The following DMD variants were observed in gnomAD, a reference collection of about 807,000 sequenced individuals.
DMD encodes the protein dystrophin.
DMD carries 63 observed loss-of-function variants against 330.1 expected under a neutral mutation model. That is an observed-to-expected ratio of 0.19 (90% CI 0.16 to 0.24). The LOEUF (loss-of-function observed/expected upper bound fraction) is 0.24. Ranked by LOEUF, DMD falls within the 10% of genes least tolerant of loss-of-function variation. The pLI is 1.00. For missense variants in DMD, 3,344 were observed against 2,684.1 expected (o/e 1.25, Z -5.43); for synonymous variants, 1,223 against 959.8 (o/e 1.27, Z -5.07).
At chrX:32,655,735 G>A (rs1227258626) in intron 9 of DMD, among the ~76,000 whole-genome samples, 1 of 111,370 alleles carries the variant, frequency 9.0e-6, no homozygotes, top group Non-Finnish European at 1.9e-5. Context: ...TGTTGTCAGT[G>A]GGGTGTTAAA....
In DMD at chrX:31,658,085, G is replaced by A. The variant is rs1306571967; in HGVS notation, c.7932C>T (p.Ala2644=). Residue 2644 remains alanine (A), a synonymous_variant, in exon 54 of 79, where the codon GCC becomes GCT. Transcript: ENST00000357033. ...CAGAATAATCCCGGAGAAGTTTCAG[G>A]GCCAAGTCATTTGCCACATCTACAT... ...QTNVDVANDL[A]LKLLRDYSAD... 2 of 1,209,884 alleles carry A rather than the reference G, an allele frequency of 1.7e-6. No individual in the cohort carries two copies. Among genetic ancestry groups the A allele is most frequent in the African/African-American group, 1.7e-5 (1 of 57,145 alleles).
chrX:32,667,509 A>C (rs771459914), intron 9 of DMD, among the ~76,000 whole-genome samples: 4 of 111,820 alleles, frequency 3.6e-5, no homozygotes, highest in Non-Finnish European at 7.5e-5. Flanking sequence ...ATTATATTTA[A>C]CCATCATATT....
chrX:31,356,474 A>G (rs1226416490), intron 60 of DMD, among the ~76,000 whole-genome samples: 4 of 111,315 alleles, frequency 3.6e-5, no homozygotes, highest in African/African-American at 1.3e-4. Flanking sequence ...GGGGCTGTGC[A>G]TGCTTGCAAG....
At chrX:33,053,072 C>T (rs1410709988) in intron 1 of DMD, among the ~76,000 whole-genome samples, 1 of 111,710 alleles carries the variant, frequency 9.0e-6, no homozygotes, top group African/African-American at 3.3e-5. Context: ...AATAAAAGAA[C>T]ATCTACTTGT....
chrX:31,389,390 T>C (rs745872787), intron 60 of DMD, among the ~76,000 whole-genome samples: 1 of 112,453 alleles, frequency 8.9e-6, no homozygotes, highest in African/African-American at 3.2e-5. Context: ...AATCAGCCTA[T>C]GGCACTGTAT....
At chrX:32,641,918 T>C (rs942819610) in intron 11 of DMD, among the ~76,000 whole-genome samples, 2 of 111,537 alleles carry the variant, frequency 1.8e-5, no homozygotes, top group Non-Finnish European at 3.8e-5. Context: ...TTGAAGCTAA[T>C]CATTGGAGAT....
intron 2 of DMD, among the ~76,000 whole-genome samples, chrX:32,977,907 A>G (rs1265727530): frequency 7.2e-5 from 8 of 111,712 alleles, no homozygotes; most frequent in Non-Finnish European, 1.5e-4. Flanking sequence ...ACTAAAGAAA[A>G]AATACATTTT....
chrX:33,264,005 CTT>C (rs1462553591), intron 1 of DMD, among the ~76,000 whole-genome samples: 1 of 110,940 alleles, frequency 9.0e-6, no homozygotes, highest in Non-Finnish European at 1.9e-5. Context: ...TACTGGAAGA[CTT>C]TGGATAGTCT....
intron 1 of DMD, among the ~76,000 whole-genome samples, chrX:33,137,473 C>T (rs1247157031): frequency 4.4e-5 from 5 of 112,369 alleles, no homozygotes; most frequent in Non-Finnish European, 9.4e-5. Context: ...TTCAGCAGCA[C>T]TGCAACCATC....
At chrX:32,488,942 C>G (rs1412847382) in intron 20 of DMD, among the ~76,000 whole-genome samples, 1 of 111,012 alleles carries the variant, frequency 9.0e-6, no homozygotes, top group East Asian at 2.8e-4. Context: ...TGCCTGGAAT[C>G]TTGCTTAACT....
At chrX:33,070,639 A>ATCTCTCTCTCTCTCTCTCTCTC (rs1291687487) in intron 1 of DMD, among the ~76,000 whole-genome samples, 5 of 21,401 alleles carry the variant, frequency 2.3e-4, no homozygotes, top group Non-Finnish European at 4.7e-4. Context: ...GTATCTATCC[A>ATCTCTCTCTCTCTCTCTCTCTC]TCTCTCTCTC....
intron 45 of DMD, among the ~76,000 whole-genome samples, chrX:31,953,543 G>T (rs776964703): frequency 1.7e-3 from 185 of 111,458 alleles, no homozygotes; most frequent in African/African-American, 5.7e-3. Context: ...AGCATATGCC[G>T]TTGGTTGATA....
At chrX:32,445,192 T>C (rs943614584) in intron 27 of DMD, among the ~76,000 whole-genome samples, 2 of 111,335 alleles carry the variant, frequency 1.8e-5, no homozygotes, top group African/African-American at 6.5e-5. Flanking sequence ...AAAGCTCATA[T>C]GAATAAGGCC....
At chrX:32,991,566 A>T (rs970318758) in intron 2 of DMD, among the ~76,000 whole-genome samples, 1 of 112,192 alleles carries the variant, frequency 8.9e-6, no homozygotes, top group South Asian at 3.6e-4. Context: ...ATTCAAAATA[A>T]TTTTTTGCCA....
chrX:32,613,819 TA>T (rs745879248), intron 12 of DMD, among the ~76,000 whole-genome samples: 7 of 111,630 alleles, frequency 6.3e-5, no homozygotes, highest in Non-Finnish European at 1.1e-4. Context: ...ACAAATGTCT[TA>T]ATCCATTTTG....
At chrX:32,154,826 C>T (rs1453747589) in intron 44 of DMD, among the ~76,000 whole-genome samples, 1 of 107,241 alleles carries the variant, frequency 9.3e-6, no homozygotes, top group African/African-American at 3.4e-5. Context: ...TAAAAAACAC[C>T]TTTAAACGCA....
intron 1 of DMD, among the ~76,000 whole-genome samples, chrX:33,237,346 C>T (rs749656790): frequency 2.8e-5 from 3 of 108,737 alleles, no homozygotes; most frequent in East Asian, 5.8e-4. Flanking sequence ...CAGGTTCAAG[C>T]GATTCTTCTG....
chrX:33,191,163 T>C (rs1198655705), intron 1 of DMD, among the ~76,000 whole-genome samples: 1 of 102,352 alleles, frequency 9.8e-6, no homozygotes, highest in African/African-American at 3.5e-5. Context: ...TTGCATTTTG[T>C]CTTTTTCATT....
At chrX:32,658,561 C>T (rs942536827) in intron 9 of DMD, among the ~76,000 whole-genome samples, 13 of 111,271 alleles carry the variant, frequency 1.2e-4, no homozygotes, top group African/African-American at 4.2e-4. Context: ...CCATAGATTG[C>T]TATCTCCTGA....
Sources: allele counts gnomAD v4.1 joint callset (sites outside exome capture counted in the v4.1 genomes callset), GRCh38; gene constraint gnomAD v4.1.1; transcripts MANE v1.5; gene names NCBI Gene and HGNC (gene_info 2026-07-23, HGNC 2026-07-21).